DLG2: variants seen among roughly 807,000 people sequenced by gnomAD.
DLG2 encodes the protein disks large homolog 2.
DLG2 carries 45 observed loss-of-function variants against 132.5 expected under a neutral mutation model. The ratio of observed to expected loss-of-function variants is 0.34; its 90% CI spans 0.27 to 0.44. The LOEUF (loss-of-function observed/expected upper bound fraction) is 0.44, where lower values mean the gene tolerates loss of function less well. DLG2 is among the 20% of genes least tolerant of loss of function. DLG2 has a pLI of 1.00. For missense variants in DLG2, 1,045 were observed against 1,196.9 expected, an observed-to-expected ratio of 0.87 and a Z score of 1.87; for synonymous variants, 424 against 419.6, an observed-to-expected ratio of 1.01 and a Z score of -0.13.
intron 19 of DLG2, among the ~76,000 whole-genome samples, chr11:83,603,445 A>G (rs895274282): frequency 6.6e-6 from 1 of 152,194 alleles, no homozygotes; most frequent in African/African-American, 2.4e-5. Flanking sequence ...TTTAGATTTT[A>G]TTAACAGTAT....
chr11:84,634,007 A>C (rs1381948809), intron 6 of DLG2, among the ~76,000 whole-genome samples: 1 of 152,236 alleles, frequency 6.6e-6, no homozygotes, highest in Non-Finnish European at 1.5e-5. Context: ...TATTCTTTAA[A>C]GAAAAAAAGC....
intron 9 of DLG2, among the ~76,000 whole-genome samples, chr11:84,140,155 G>C (rs2094780005): frequency 6.6e-6 from 1 of 152,038 alleles, no homozygotes; most frequent in African/African-American, 2.4e-5. Context: ...AAGGAATCAA[G>C]CTGTAAGTTA....
intron 7 of DLG2, among the ~76,000 whole-genome samples, chr11:84,256,459 C>G (rs1335655728): frequency 6.6e-6 from 1 of 151,904 alleles, no homozygotes; most frequent in African/African-American, 2.4e-5. Flanking sequence ...TTTTAAGAAG[C>G]AAGGTAGAAA....
chr11:84,652,652 G>A (rs905042789), intron 6 of DLG2, among the ~76,000 whole-genome samples: 1 of 152,114 alleles, frequency 6.6e-6, no homozygotes, highest in East Asian at 1.9e-4. Flanking sequence ...GACATGCCAA[G>A]AAAAATAAAA....
At chr11:84,165,742 A>G (rs2095647344) in intron 8 of DLG2, among the ~76,000 whole-genome samples, 1 of 152,084 alleles carries the variant, frequency 6.6e-6, no homozygotes, top group African/African-American at 2.4e-5. Context: ...TACTAAAAAT[A>G]CAAAAATTAG....
intron 6 of DLG2, among the ~76,000 whole-genome samples, chr11:85,014,525 A>G (rs1385393148): frequency 1.3e-5 from 2 of 152,176 alleles, no homozygotes; most frequent in African/African-American, 2.4e-5. Context: ...GCTCTTTACT[A>G]TAGAGGGAGG....
intron 18 of DLG2, among the ~76,000 whole-genome samples, chr11:83,737,472 T>C (rs1408495019): frequency 2.6e-5 from 4 of 152,236 alleles, no homozygotes; most frequent in Admixed American, 1.3e-4. Flanking sequence ...CTCTTGGAGC[T>C]ATACTTTTTC....
At chr11:83,888,126 AG>A (rs1237814607) in intron 15 of DLG2, among the ~76,000 whole-genome samples, 1 of 149,990 alleles carries the variant, frequency 6.7e-6, no homozygotes, top group Non-Finnish European at 1.5e-5. Context: ...AAGGAAATAA[AG>A]GGTATTCAAT....
At chr11:84,768,323 G>C (rs2068733593) in intron 6 of DLG2, among the ~76,000 whole-genome samples, 1 of 152,024 alleles carries the variant, frequency 6.6e-6, no homozygotes, top group African/African-American at 2.4e-5. Flanking sequence ...TTTTAAAACA[G>C]CCAACCCTAT....
intron 6 of DLG2, among the ~76,000 whole-genome samples, chr11:84,991,200 T>C (rs1404386859): frequency 1.3e-5 from 2 of 151,910 alleles, no homozygotes; most frequent in Non-Finnish European, 2.9e-5. Flanking sequence ...AGATTAAGTA[T>C]AAGATGAAGA....
chr11:83,860,439 G>C (rs984300705), intron 16 of DLG2, among the ~76,000 whole-genome samples: 2 of 152,160 alleles, frequency 1.3e-5, no homozygotes, highest in African/African-American at 4.8e-5. Context: ...TTTAAGATTT[G>C]ACTGCCACGC....
chr11:84,185,543 C>T (rs187078273), intron 8 of DLG2, among the ~76,000 whole-genome samples: 2,989 of 152,198 alleles, frequency 0.02, 60 homozygotes, highest in East Asian at 0.11. Flanking sequence ...TTCCTCTTTT[C>T]CTAATTGAAT....
intron 7 of DLG2, among the ~76,000 whole-genome samples, chr11:84,313,398 G>A (rs1410979385): frequency 1.3e-5 from 2 of 151,990 alleles, no homozygotes; most frequent in Non-Finnish European, 2.9e-5. Flanking sequence ...ACAGGCGTGA[G>A]TCACCACACT....
At chr11:84,903,407 T>A (rs61907731) in intron 6 of DLG2, among the ~76,000 whole-genome samples, 70,917 of 151,918 alleles carry the variant, frequency 0.47, 17,236 homozygotes, top group South Asian at 0.62. Flanking sequence ...TTTGCGTAGT[T>A]AGCTAAGGCC....
At chr11:84,650,446 G>C (rs1310138832) in intron 6 of DLG2, among the ~76,000 whole-genome samples, 2 of 152,106 alleles carry the variant, frequency 1.3e-5, no homozygotes, top group African/African-American at 4.8e-5. Flanking sequence ...CTTAATTACT[G>C]AATTGAGATC....
chr11:84,205,555 TAA>T (rs68181463), intron 8 of DLG2, among the ~76,000 whole-genome samples: 110,280 of 150,346 alleles, frequency 0.73, 42,821 homozygotes, highest in Middle Eastern at 0.91. Context: ...AGAATTAAAT[TAA>T]AAAAAAAAAC....
At chr11:85,286,151 CA>C (rs1371223129) in intron 3 of DLG2, 2 of 446,842 alleles carry the variant, frequency 4.5e-6, no homozygotes, top group East Asian at 1.3e-4. Context: ...GGAAACTATA[CA>C]AAAGCATCAT....
At chr11:84,355,815 T>G (rs529256928) in intron 7 of DLG2, among the ~76,000 whole-genome samples, 6 of 152,246 alleles carry the variant, frequency 3.9e-5, no homozygotes, top group African/African-American at 1.4e-4. Context: ...AGGGTTAGTG[T>G]ATCCTGAAGG....
At chr11:85,005,879 T>C (rs1277551095) in intron 6 of DLG2, among the ~76,000 whole-genome samples, 1 of 152,198 alleles carries the variant, frequency 6.6e-6, no homozygotes, top group East Asian at 1.9e-4. Context: ...TACATAGCTA[T>C]TATTTTGAGA....
Sources: gnomAD v4.1 joint callset for allele counts (sites outside exome capture counted in the v4.1 genomes callset) on GRCh38, gnomAD v4.1.1 for gene constraint, MANE v1.5 for transcripts, NCBI Gene and HGNC (gene_info 2026-07-23, HGNC 2026-07-21) for gene names.